The following TMEM184A variants were observed in gnomAD, a reference collection of about 807,000 sequenced individuals.
TMEM184A encodes sexually dimorphic, expressed in male gonads 1.
TMEM184A carries 40 observed loss-of-function variants against 39.5 expected under a neutral mutation model. That is an observed-to-expected ratio of 1.01 (90% CI 0.79 to 1.32). TMEM184A has a LOEUF of 1.32. Ranked by LOEUF, TMEM184A falls within the 40% of genes most tolerant of loss-of-function variation. The pLI is 0.00. For missense variants in TMEM184A, 603 were observed against 568.8 expected (o/e 1.06, Z -0.61); for synonymous variants, 280 against 252.3 (o/e 1.11, Z -1.04).
Position 1,555,282 on chromosome 7 carries a change from A to C in TMEM184A, c.203T>G (p.Val68Gly). 6.2e-7 allele frequency: 1 copy of C among 1,606,458 alleles called. No homozygotes were observed. The highest frequency in any genetic ancestry group is 8.5e-7 in the Non-Finnish European group (1 of 1,176,678). The change falls in exon 2 of 9, where the codon GTG becomes GGG. Residue 68 changes from valine to glycine, a missense_variant. Coordinates refer to ENST00000297477, the MANE Select transcript of TMEM184A (RefSeq NM_001097620.2). The surrounding 1 kb of genome is among the most constrained non-coding windows in gnomAD (Gnocchi z 5.2). ...VSGIFVWTAL[V>G]LTCHQIYLHL... ...AGGGCTTACCTGGTGGCAGGTGAGC[A>C]CCAGGGCAGTCCACACGAAGATCCC...
chr7:1,555,516 G>A lies in TMEM184A; in HGVS notation c.1-32C>T. 6.4e-7 allele frequency: 1 copy of A among 1,560,808 alleles called. No homozygotes were observed. The highest frequency in any genetic ancestry group is 8.7e-7 in the Non-Finnish European group (1 of 1,145,362). On this transcript the variant is annotated intron_variant, in intron 1 of 8. Transcript: ENST00000297477. This position sits in a 1 kb window ranked among gnomAD's most constrained non-coding sequence, Gnocchi z 5.2. The stretch of plus-strand genomic sequence containing the variant: ...AGGGAGGGAGGACACACACCGGGAG[G>A]AGTGAGGGCAAAGGTACTGGCTCCC...
chr7:1,555,893 G>A lies in TMEM184A; in HGVS notation c.-1+221C>T, dbSNP rs1005732670. On this transcript the variant is annotated intron_variant, in intron 1 of 8. Transcript: ENST00000297477. This position sits in a 1 kb window ranked among gnomAD's most constrained non-coding sequence, Gnocchi z 5.2. ...CCAGCACTGCCTGCCCCGGCAGGAGGGGGTGTGCAGCCACCCTCATGGGAG... is the reference window on the plus strand; with the variant it reads ...CCAGCACTGCCTGCCCCGGCAGGAGAGGGTGTGCAGCCACCCTCATGGGAG... The A allele has an allele frequency of 8.5e-5, 23 of 270,210 alleles. No individual in the cohort carries two copies. The highest frequency in any genetic ancestry group is 5.4e-4 in the African/African-American group (23 of 42,652). The allele number at this position is 270,210 out of a possible 1,614,324, so 16.7% of individuals were successfully genotyped here.
Position 1,547,745 on chromosome 7 carries a change from G to C in TMEM184A, c.1009C>G (p.Pro337Ala), listed in dbSNP as rs779966967. The C allele has an allele frequency of 6.2e-7, 1 of 1,611,870 alleles. No homozygotes were observed. Among genetic ancestry groups the C allele is most frequent in the South Asian group, 1.1e-5 (1 of 90,744 alleles). Reference protein sequence around the residue: ...QVYAEKKENSPAPPAPMQSIS... With the variant: ...QVYAEKKENSAAPPAPMQSIS... ...CCAGCTGGAAGGCAGGGTGTACCTGGTGAATTCTCCTTCTTCTCTGCGTAC... is the reference window on the plus strand; with the variant it reads ...CCAGCTGGAAGGCAGGGTGTACCTGCTGAATTCTCCTTCTTCTCTGCGTAC... Residue 337 changes from proline (P) to alanine (A), a missense_variant, in exon 8 of 9, where the codon CCA becomes GCA. Pro to Ala is a conservative substitution (Grantham distance 27). Coordinates refer to ENST00000297477, the MANE Select transcript of TMEM184A (RefSeq NM_001097620.2).
At chr7:1,551,450 C>T (rs1189504020) in intron 2 of TMEM184A, among the ~76,000 whole-genome samples, 1 of 152,070 alleles carries the variant, frequency 6.6e-6, no homozygotes, top group African/African-American at 2.4e-5. Context: ...GGCCACCAGG[C>T]ACCTTCTATG....
At position 1,555,254 on chromosome 7, in the gene TMEM184A, G is replaced by C; in HGVS notation, c.219+12C>G. The C allele has an allele frequency of 6.3e-7, 1 of 1,592,660 alleles. No individual in the cohort carries two copies. The highest frequency in any genetic ancestry group is 1.3e-5 in the African/African-American group (1 of 74,430). ...AAGGTCCTGAAGGAGGCTCGGGGGC[G>C]GAAGGGCTTACCTGGTGGCAGGTGA... On this transcript the variant is annotated intron_variant, in intron 2 of 8. Transcript: ENST00000297477. The surrounding 1 kb of genome is among the most constrained non-coding windows in gnomAD (Gnocchi z 5.2).
chr7:1,549,411 G>C (rs755201644), intron 6 of TMEM184A: 1 of 399,688 alleles, frequency 2.5e-6, no homozygotes, highest in Non-Finnish European at 5.1e-6. Context: ...ACAGGTCGGG[G>C]TGGACCTTGG....
rs957776870 is a variant in TMEM184A, at chr7:1,556,185, C to T, written c.-72G>A. 3 of 152,460 alleles carry T rather than the reference C, an allele frequency of 2.0e-5. No individual in the cohort carries two copies. The highest frequency in any genetic ancestry group is 6.5e-5 in the Admixed American group (1 of 15,292). 9.4% of individuals were successfully genotyped at this position (152,460 alleles called of 1,614,324 possible). A position where few individuals can be genotyped will look rare whatever the true frequency, so the allele number is the denominator to read the frequency against. ...CCAGGGAAGCCTAGCTGGTCATTCT[C>T]ATGGCCACGTGGCCCCAACTGGAGG... On this transcript the variant is annotated 5_prime_UTR_variant, in exon 1 of 9. The change abolishes an upstream ATG in the 5' untranslated region. Transcript: ENST00000297477.
chr7:1,544,886 AGG>A lies in TMEM184A; in HGVS notation c.*2064_*2065del, dbSNP rs1784294173. ...CCTGGCACAGTCCTCGGCTGGTCTG[AGG>A]GGGCATTTGGCGGAAACTGACTTCT... is the stretch of plus-strand genomic sequence containing the variant. On this transcript the variant is annotated 3_prime_UTR_variant, in exon 9 of 9. Coordinates refer to ENST00000297477, the MANE Select transcript of TMEM184A (RefSeq NM_001097620.2). The A allele has an allele frequency of 6.6e-6, 1 of 152,160 alleles. No homozygotes were observed. Among genetic ancestry groups the A allele is most frequent in the South Asian group, 2.1e-4 (1 of 4,832 alleles). The allele number at this position is 152,160 out of a possible 1,614,324, so 9.4% of individuals were successfully genotyped here.
Position 1,555,032 on chromosome 7 carries a change from T to G in TMEM184A, c.219+234A>C, listed in dbSNP as rs1056277281. Among the ~76,000 whole-genome samples, 1 of 152,044 alleles carries G rather than the reference T, an allele frequency of 6.6e-6. No individual in the cohort carries two copies. Among genetic ancestry groups the G allele is most frequent in the African/African-American group, 2.4e-5 (1 of 41,406 alleles). ...TGAGCCGAGTGACGAGCCTGTGAAA[T>G]AGCCAGGGGTGCCCGGTGGGCGCTC... On this transcript the variant is annotated intron_variant, in intron 2 of 8. Transcript: ENST00000297477. The surrounding 1 kb of genome is among the most constrained non-coding windows in gnomAD (Gnocchi z 5.2).
intron 2 of TMEM184A, among the ~76,000 whole-genome samples, chr7:1,553,080 T>C (rs955619111): frequency 1.3e-5 from 2 of 152,036 alleles, no homozygotes; most frequent in Non-Finnish European, 2.9e-5. Flanking sequence ...TGGGAAAAAG[T>C]ATGGGTGATT....
At chr7:1,550,242 G>C in intron 4 of TMEM184A, 44 bp from the exon 5 acceptor site, 1 of 1,605,106 alleles carries the variant, frequency 6.2e-7, no homozygotes, top group African/African-American at 1.3e-5. Context: ...ATGCAGCCCC[G>C]GCGCCGCCGG....
chr7:1,549,022 G>A (rs1377459923), intron 6 of TMEM184A: 3 of 531,918 alleles, frequency 5.6e-6, no homozygotes, highest in South Asian at 1.5e-5. Flanking sequence ...CCGTCCACCT[G>A]GCCACTGCCT....
intron 8 of TMEM184A, among the ~76,000 whole-genome samples, chr7:1,547,390 C>T (rs984414611): frequency 1.2e-4 from 19 of 152,174 alleles, no homozygotes; most frequent in Non-Finnish European, 2.8e-4. Context: ...ACAAGGACCA[C>T]GTCCCCTAGA....
At chr7:1,548,443 G>A (rs1784434726) in intron 7 of TMEM184A, 76 bp downstream of exon 7, 2 of 1,490,518 alleles carry the variant, frequency 1.3e-6, no homozygotes, top group Non-Finnish European at 1.8e-6. Context: ...TGGGGAAAGG[G>A]GTGTGAGGTG....
intron 2 of TMEM184A, among the ~76,000 whole-genome samples, chr7:1,554,551 CTG>C (rs769912838): frequency 8.5e-5 from 13 of 152,220 alleles, no homozygotes; most frequent in Non-Finnish European, 1.3e-4. Context: ...CCTGGCCTCT[CTG>C]TGTATCTGAG....
rs1784541402 is a variant in TMEM184A at position 1,550,367 on chromosome 7, C to T, written c.414G>A (p.Leu138=). 1.2e-6 allele frequency: 2 copies of T among 1,612,740 alleles called. No homozygotes were observed. The highest frequency in any genetic ancestry group is 1.1e-5 in the South Asian group (1 of 91,030). The change falls in exon 4 of 9, where the codon CTG becomes CTA. Residue 138 remains leucine, a synonymous_variant. Transcript: ENST00000297477. ...EAFVIYSFLS[L]CFQYLGGEGA... Reference sequence around the variant, plus strand: ...CCTCGCCTCCCAGGTACTGGAAACACAGGCTCAGGAAGCTGTAAATGACAA... The same window carrying T: ...CCTCGCCTCCCAGGTACTGGAAACATAGGCTCAGGAAGCTGTAAATGACAA...
At position 1,555,315 on chromosome 7, in the gene TMEM184A, C is replaced by A. The variant is rs780922740; in HGVS notation, c.170G>T (p.Gly57Val). The change falls in exon 2 of 9, where the codon GGC becomes GTC. Residue 57 changes from glycine to valine, a missense_variant. Physicochemically the swap from Gly to Val is moderately radical, Grantham distance 109. Transcript: ENST00000297477. This position sits in a 1 kb window ranked among gnomAD's most constrained non-coding sequence, Gnocchi z 5.2. ...WLFLTSALARGVSGIFVWTAL... is the reference protein window; with the variant it reads ...WLFLTSALARVVSGIFVWTAL... ...AGTCCACACGAAGATCCCCGAGACG[C>A]CTCGGGCCAGTGCGGAGGTGAGGAA... 3.7e-6 allele frequency: 6 copies of A among 1,608,818 alleles called. No individual in the cohort carries two copies. Among genetic ancestry groups the A allele is most frequent in the Non-Finnish European group, 5.1e-6 (6 of 1,177,802 alleles).
intron 2 of TMEM184A, among the ~76,000 whole-genome samples, chr7:1,554,392 G>A (rs967691024): frequency 2.0e-5 from 3 of 152,140 alleles, no homozygotes; most frequent in Non-Finnish European, 4.4e-5. Flanking sequence ...TCTGCCCTCA[G>A]CCCAGCCCTC....
Position 1,542,916 on chromosome 7 carries a change from CAT to C in TMEM184A, c.*4034_*4035del, listed in dbSNP as rs1784232509. ...GATATAAATTATTGAAAACAGATCA[CAT>C]GTGGGCCCGTGTCTGGCCGCCGCCG... On this transcript the variant is annotated 3_prime_UTR_variant, in exon 9 of 9. Transcript: ENST00000297477. 2 of 152,718 alleles carry C rather than the reference CAT, an allele frequency of 1.3e-5. No individual in the cohort carries two copies. The highest frequency in any genetic ancestry group is 4.8e-5 in the African/African-American group (2 of 41,466). 9.5% of individuals were successfully genotyped at this position (152,718 alleles called of 1,614,324 possible).
Sources: gnomAD v4.1 joint callset for allele counts (sites outside exome capture counted in the v4.1 genomes callset) on GRCh38, gnomAD v4.1.1 for gene constraint, Gnocchi (gnomAD v3.1) non-coding constraint, MANE v1.5 for transcripts, NCBI Gene and HGNC (gene_info 2026-07-23, HGNC 2026-07-21) for gene names.